Variants in DENND4C observed in about 807,000 individuals in gnomAD.
DENND4C encodes DENN domain containing 4C, also known as DENN domain-containing protein 4C.
In DENND4C, 108 loss-of-function variants were observed where a neutral mutation model predicts 203.0. The ratio of observed to expected loss-of-function variants is 0.53; its 90% CI spans 0.46 to 0.62. The LOEUF is 0.62. Ranked by LOEUF, DENND4C falls within the 20% of genes least tolerant of loss-of-function variation. The pLI, the probability that DENND4C is intolerant of heterozygous loss-of-function variation, is 0.00. For synonymous variants in DENND4C, 871 were observed against 792.4 expected, an observed-to-expected ratio of 1.10 and a Z score of -1.67; for missense variants, 2,481 against 2,301.2, an observed-to-expected ratio of 1.08 and a Z score of -1.60.
At chr9:19,356,925 A>C (rs777270766) in intron 26 of DENND4C, 47 bp from the exon 27 acceptor site, 11 of 1,536,712 alleles carry the variant, frequency 7.2e-6, no homozygotes, top group Non-Finnish European at 8.9e-6. Context: ...ATTTTAGAAA[A>C]CTTGAGGATT....
chr9:19,335,511 C>A (rs1174643908), intron 18 of DENND4C, among the ~76,000 whole-genome samples: 1 of 152,100 alleles, frequency 6.6e-6, no homozygotes, highest in East Asian at 1.9e-4. Context: ...GTCCCCTTTC[C>A]CCTTACCTCC....
At chr9:19,293,254 AG>A (rs1445470011) in intron 5 of DENND4C, among the ~76,000 whole-genome samples, 2 of 152,208 alleles carry the variant, frequency 1.3e-5, no homozygotes, top group African/African-American at 4.8e-5. Context: ...TTCATTGTTT[AG>A]GGGATATCAA....
intron 23 of DENND4C, among the ~76,000 whole-genome samples, chr9:19,348,352 G>C (rs1823366163): frequency 6.6e-6 from 1 of 152,114 alleles, no homozygotes; most frequent in African/African-American, 2.4e-5. Context: ...AGATACCAAA[G>C]AGCAATATAT....
At position 19,331,918 on chromosome 9, in the gene DENND4C, A is replaced by G. The variant is rs1284885710; in HGVS notation, c.2254-60A>G. On this transcript the variant is annotated intron_variant, in intron 16 of 32. Coordinates refer to ENST00000434457, the MANE Select transcript of DENND4C (RefSeq NM_001330640.2). ...AATTCTCCTCTCCCTTTTCCTTCTC[A>G]CTTCTCCCCTCACCCTAATGAATTT... 8.3e-6 allele frequency: 12 copies of G among 1,452,326 alleles called. No homozygotes were observed. The Admixed American group carries it at 1.4e-4, about 16-fold the overall frequency. 90.0% of individuals were successfully genotyped at this position (1,452,326 alleles called of 1,614,324 possible). A position where few individuals can be genotyped will look rare whatever the true frequency, so the allele number is the denominator to read the frequency against.
chr9:19,251,106 C>T (rs1390606527), intron 1 of DENND4C, among the ~76,000 whole-genome samples: 3 of 152,252 alleles, frequency 2.0e-5, no homozygotes, highest in South Asian at 2.1e-4. Context: ...ATGAGGGCCC[C>T]GCCCCTGCAG....
chr9:19,292,234 T>G (rs2131192257), intron 5 of DENND4C: 1 of 152,036 alleles, frequency 6.6e-6, no homozygotes, highest in Non-Finnish European at 1.5e-5. Flanking sequence ...TTCACCCTGT[T>G]GGTCAGGCTG....
At chr9:19,280,521 G>A (rs1295160399) in intron 2 of DENND4C, among the ~76,000 whole-genome samples, 1 of 152,012 alleles carries the variant, frequency 6.6e-6, no homozygotes, top group Non-Finnish European at 1.5e-5. Context: ...GCAGTGGAGT[G>A]ACATTAATGG....
intron 1 of DENND4C, among the ~76,000 whole-genome samples, chr9:19,232,275 A>G (rs546421050): frequency 1.3e-5 from 2 of 151,602 alleles, no homozygotes; most frequent in Admixed American, 6.6e-5. Context: ...TTTTTTTTTC[A>G]GTAGTGGCAA....
intron 1 of DENND4C, among the ~76,000 whole-genome samples, chr9:19,264,341 C>G (rs1393429697): frequency 6.6e-6 from 1 of 151,540 alleles, no homozygotes; most frequent in East Asian, 1.9e-4. Context: ...ACCCTGTTAT[C>G]CAGGCTAGAG....
chr9:19,372,188 G>C lies in DENND4C; in HGVS notation c.*15G>C, dbSNP rs760712921. On this transcript the variant is annotated 3_prime_UTR_variant, in exon 33 of 33. Coordinates refer to ENST00000434457, the MANE Select transcript of DENND4C (RefSeq NM_001330640.2). ...CTCTCATTTAAATAGAGATTCACTA[G>C]AATGTTGACACACAAGGCTTGGGGA... is the stretch of plus-strand genomic sequence containing the variant. 21 of 1,599,246 alleles carry C rather than the reference G, an allele frequency of 1.3e-5. No individual in the cohort carries two copies. Among genetic ancestry groups the C allele is most frequent in the South Asian group, 4.5e-5 (4 of 87,974 alleles).
chr9:19,265,327 A>T (rs1457886623), intron 1 of DENND4C, among the ~76,000 whole-genome samples: 2 of 151,916 alleles, frequency 1.3e-5, no homozygotes, highest in East Asian at 3.9e-4. Context: ...AATTTTTTAA[A>T]TTTTCCTTCT....
chr9:19,231,383 C>G (rs996242360), intron 1 of DENND4C, among the ~76,000 whole-genome samples: 1 of 152,096 alleles, frequency 6.6e-6, no homozygotes, highest in Non-Finnish European at 1.5e-5. Flanking sequence ...CTCTGTCTTA[C>G]GGTGGCCGAT....
At chr9:19,364,298 T>C (rs1827152937) in intron 30 of DENND4C, among the ~76,000 whole-genome samples, 1 of 152,324 alleles carries the variant, frequency 6.6e-6, no homozygotes, top group East Asian at 1.9e-4. Flanking sequence ...TGAAGATGTT[T>C]GGGGAACACT....
At chr9:19,230,631 C>A (rs991643811), upstream of DENND4C, 11 of 152,138 alleles carry the variant, frequency 7.2e-5, no homozygotes, top group African/African-American at 2.2e-4. Flanking sequence ...AGCGCTCCGG[C>A]CATCGCCCCT....
At chr9:19,322,780 A>G (rs1033939214) in intron 12 of DENND4C, among the ~76,000 whole-genome samples, 3 of 151,574 alleles carry the variant, frequency 2.0e-5, no homozygotes, top group South Asian at 2.1e-4. Context: ...GGAGATTTCC[A>G]TGAGCCTTCC....
chr9:19,305,391 C>T lies in DENND4C; in HGVS notation c.1351C>T (p.Leu451Phe). 1 of 1,613,724 alleles carries T rather than the reference C, an allele frequency of 6.2e-7. No individual in the cohort carries two copies. Among genetic ancestry groups the T allele is most frequent in the Non-Finnish European group, 8.5e-7 (1 of 1,179,814 alleles). Residue 451 changes from leucine (L) to phenylalanine (F), a missense_variant, in exon 10 of 33, where the codon CTT becomes TTT. Leu to Phe is a conservative substitution (Grantham distance 22). Around this residue, in one of 3 missense-constraint regions of DENND4C, gnomAD observed 2,289 missense variants for 2,113.3 expected, o/e 1.08. Coordinates refer to ENST00000434457, the MANE Select transcript of DENND4C (RefSeq NM_001330640.2). ...PFQWQCPYIP[L>F]CPLSLAAVLS... ...TCAGTGGCAATGCCCATATATTCCCCTTTGTCCTCTTTCACTGGCTGCAGT... is the reference window on the plus strand; with the variant it reads ...TCAGTGGCAATGCCCATATATTCCCTTTTGTCCTCTTTCACTGGCTGCAGT...
At chr9:19,319,379 T>TACATATATATATACATATATATACACAC (rs1554634096) in intron 12 of DENND4C, among the ~76,000 whole-genome samples, 15 of 105,834 alleles carry the variant, frequency 1.4e-4, no homozygotes, top group East Asian at 2.1e-4. Context: ...TATATACACA[T>TACATATATATATACATATATATACACAC]ACATATATAT....
chr9:19,339,654 G>A (rs1563819504), intron 20 of DENND4C, among the ~76,000 whole-genome samples: 1 of 152,026 alleles, frequency 6.6e-6, no homozygotes, highest in Admixed American at 6.6e-5. Flanking sequence ...CAGATGATAA[G>A]CTATTTTTGA....
rs184333441 is a variant in DENND4C at position 19,335,597 on chromosome 9, A to C, written c.2589+492A>C. On this transcript the variant is annotated intron_variant, in intron 18 of 32. Coordinates refer to ENST00000434457, the MANE Select transcript of DENND4C (RefSeq NM_001330640.2). ...TTCCTGGATCTCATATATATGTGAG[A>C]TCTTGCGGTATTTGTCTTTCTGTGC... Among the ~76,000 whole-genome samples, 244 of 152,010 alleles carry C rather than the reference A, an allele frequency of 1.6e-3. 1 individual carries two copies. Among genetic ancestry groups the C allele is most frequent in the African/African-American group, 5.5e-3 (229 of 41,462 alleles).
Sources: allele counts gnomAD v4.1 joint callset (sites outside exome capture counted in the v4.1 genomes callset), GRCh38; gene constraint gnomAD v4.1.1; regional missense constraint gnomAD v4.1.1; transcripts MANE v1.5; gene names NCBI Gene and HGNC (gene_info 2026-07-23, HGNC 2026-07-21).